The following EPHA5 variants were observed in gnomAD, a reference collection of about 807,000 sequenced individuals.
The protein encoded by EPHA5 is ephrin type-A receptor 5.
In EPHA5, 60 loss-of-function variants were observed where a neutral mutation model predicts 105.0. The observed-to-expected ratio is 0.57, with a 90% CI of 0.46 to 0.71. EPHA5 has a LOEUF of 0.71. Ranked by LOEUF, EPHA5 falls within the 30% of genes least tolerant of loss-of-function variation. EPHA5 has a pLI of 0.00. For synonymous variants in EPHA5, 513 were observed against 449.1 expected, an observed-to-expected ratio of 1.14 and a Z score of -1.80; for missense variants, 1,218 against 1,274.7, an observed-to-expected ratio of 0.96 and a Z score of 0.68.
intron 5 of EPHA5, among the ~76,000 whole-genome samples, chr4:65,450,868 T>A (rs2149106679): frequency 6.6e-6 from 1 of 152,272 alleles, no homozygotes; most frequent in South Asian, 2.1e-4. Flanking sequence ...AATCCTAAAT[T>A]GCTTTTCTCT....
intron 8 of EPHA5, among the ~76,000 whole-genome samples, chr4:65,381,839 T>A (rs1719594560): frequency 6.6e-6 from 1 of 151,630 alleles, no homozygotes; most frequent in Non-Finnish European, 1.5e-5. Context: ...CTTCCCTCCA[T>A]ATAAAGACAC....
intron 2 of EPHA5, among the ~76,000 whole-genome samples, chr4:65,632,111 T>A (rs894933750): frequency 6.6e-6 from 1 of 152,006 alleles, no homozygotes; most frequent in African/African-American, 2.4e-5. Flanking sequence ...AATGTATAGA[T>A]GAAGAAACAG....
intron 1 of EPHA5, among the ~76,000 whole-genome samples, chr4:65,664,452 A>G (rs1749797729): frequency 6.6e-6 from 1 of 151,964 alleles, no homozygotes; most frequent in Non-Finnish European, 1.5e-5. Context: ...ATCTGTGTTT[A>G]CAAAGCCTTC....
At chr4:65,632,442 A>G (rs1746733102) in intron 2 of EPHA5, among the ~76,000 whole-genome samples, 1 of 151,812 alleles carries the variant, frequency 6.6e-6, no homozygotes, top group African/African-American at 2.4e-5. Context: ...AATAAGTTGT[A>G]AAGTATTATT....
intron 2 of EPHA5, among the ~76,000 whole-genome samples, chr4:65,605,339 C>T (rs576274668): frequency 6.6e-6 from 1 of 152,256 alleles, no homozygotes; most frequent in South Asian, 2.1e-4. Flanking sequence ...CTACCCAAGC[C>T]GTTAGGAACT....
intron 5 of EPHA5, among the ~76,000 whole-genome samples, chr4:65,457,961 C>A (rs955566408): frequency 3.3e-5 from 5 of 151,100 alleles, no homozygotes; most frequent in Non-Finnish European, 7.4e-5. Flanking sequence ...GTAGTTCCAG[C>A]TACTCGGGAG....
At chr4:65,460,561 TA>T (rs927449206) in intron 5 of EPHA5, among the ~76,000 whole-genome samples, 3 of 151,346 alleles carry the variant, frequency 2.0e-5, no homozygotes, top group South Asian at 2.1e-4. Context: ...CCATAAAAAG[TA>T]AAAAAGTCAA....
At chr4:65,382,958 C>T (rs1186276641) in intron 8 of EPHA5, among the ~76,000 whole-genome samples, 1 of 150,408 alleles carries the variant, frequency 6.6e-6, no homozygotes, top group Non-Finnish European at 1.5e-5. Flanking sequence ...TTCAAAAGTG[C>T]CTGGAGGTGC....
intron 5 of EPHA5, among the ~76,000 whole-genome samples, chr4:65,425,451 G>GTATTA (rs1330519607): frequency 6.6e-6 from 1 of 152,042 alleles, no homozygotes; most frequent in Non-Finnish European, 1.5e-5. Flanking sequence ...ACAACACAGA[G>GTATTA]TATTAGGCTT....
At chr4:65,521,562 T>C (rs1410655903) in intron 3 of EPHA5, among the ~76,000 whole-genome samples, 1 of 151,932 alleles carries the variant, frequency 6.6e-6, no homozygotes, top group Non-Finnish European at 1.5e-5. Flanking sequence ...TGTAAAAGTT[T>C]TTATTTTATA....
At chr4:65,668,846 C>T (rs917363114) in intron 1 of EPHA5, among the ~76,000 whole-genome samples, 1 of 151,870 alleles carries the variant, frequency 6.6e-6, no homozygotes, top group Non-Finnish European at 1.5e-5. Flanking sequence ...GCGACACTCC[C>T]CCTCACCCCT....
At chr4:65,628,850 C>G (rs1248087499) in intron 2 of EPHA5, among the ~76,000 whole-genome samples, 1 of 152,122 alleles carries the variant, frequency 6.6e-6, no homozygotes, top group Non-Finnish European at 1.5e-5. Flanking sequence ...CAACCAAAGT[C>G]CATGCATGCC....
intron 3 of EPHA5, among the ~76,000 whole-genome samples, chr4:65,505,292 G>T (rs911663502): frequency 6.6e-6 from 1 of 151,970 alleles, no homozygotes; most frequent in African/African-American, 2.4e-5. Flanking sequence ...CTATCTGAAT[G>T]AGAGTTCATC....
rs1745204518 is a variant in EPHA5 at position 65,616,031 on chromosome 4, C to T, written c.247-13727G>A. Among the ~76,000 whole-genome samples, 3 of 151,842 alleles carry T rather than the reference C, an allele frequency of 2.0e-5. No individual in the cohort carries two copies. The South Asian group carries it at 6.2e-4, about 31-fold the overall frequency. ...TATGGTAGCCGAAAACTGGAATCAG[C>T]CTATGTGACCTTCAGTGAGCAAATG... On this transcript the variant is annotated intron_variant, in intron 2 of 16. Transcript: ENST00000613740.
intron 5 of EPHA5, among the ~76,000 whole-genome samples, chr4:65,452,523 T>G (rs536382879): frequency 6.6e-6 from 1 of 151,374 alleles, no homozygotes; most frequent in African/African-American, 2.4e-5. Context: ...AAACTTGTGA[T>G]GGAGACTGAT....
In EPHA5 at chr4:65,323,715, CA is replaced by C. The variant is rs576729912; in HGVS notation, c.*398del. On this transcript the variant is annotated 3_prime_UTR_variant, in exon 17 of 17. Transcript: ENST00000613740. ...CAGTAAACTGTAGCTTTTGTTAGCT[CA>C]CAAATGGCTATAAAACATTTCCTTT... 16 of 231,098 alleles carry C rather than the reference CA, an allele frequency of 6.9e-5. No individual in the cohort carries two copies. The South Asian group carries it at 2.7e-3, about 39-fold the overall frequency. 14.3% of individuals were successfully genotyped at this position (231,098 alleles called of 1,614,324 possible). A position where few individuals can be genotyped will look rare whatever the true frequency, so the allele number is the denominator to read the frequency against.
intron 5 of EPHA5, among the ~76,000 whole-genome samples, chr4:65,434,139 G>T (rs1369843476): frequency 1.3e-5 from 2 of 151,912 alleles, no homozygotes; most frequent in African/African-American, 4.8e-5. Context: ...AACTCTATTG[G>T]CTCTCTTATA....
intron 5 of EPHA5, among the ~76,000 whole-genome samples, chr4:65,485,592 A>G (rs1730803169): frequency 6.6e-6 from 1 of 152,206 alleles, no homozygotes; most frequent in African/African-American, 2.4e-5. Flanking sequence ...ATGTCTAAAT[A>G]CTATGTATAC....
intron 11 of EPHA5, among the ~76,000 whole-genome samples, chr4:65,362,361 A>T (rs910006916): frequency 1.3e-5 from 2 of 151,710 alleles, no homozygotes; most frequent in East Asian, 1.9e-4. Flanking sequence ...GAGAGCATGA[A>T]ATTAAGGACA....
Sources: gnomAD v4.1 joint callset for allele counts (sites outside exome capture counted in the v4.1 genomes callset) on GRCh38, gnomAD v4.1.1 for gene constraint, MANE v1.5 for transcripts, NCBI Gene and HGNC (gene_info 2026-07-23, HGNC 2026-07-21) for gene names.